LIN7A: variants seen among roughly 807,000 people sequenced by gnomAD.
LIN7A encodes the protein lin-7 cell polarity scaffold A.
A neutral mutation model predicts 29.8 loss-of-function variants in LIN7A; 25 were observed. The ratio of observed to expected loss-of-function variants is 0.84; its 90% confidence interval spans 0.61 to 1.17. LIN7A has a LOEUF of 1.17. Among genes scored for constraint, LIN7A ranks in the 50% most tolerant of loss-of-function variants. LIN7A has a pLI of 0.00. For missense variants in LIN7A, 239 were observed against 287.0 expected (o/e 0.83, Z 1.21); for synonymous variants, 118 against 107.5 (o/e 1.10, Z -0.60).
At chr12:80,900,717 A>T (rs1411855314) in intron 1 of LIN7A, among the ~76,000 whole-genome samples, 1 of 152,166 alleles carries the variant, frequency 6.6e-6, no homozygotes, top group Non-Finnish European at 1.5e-5. Flanking sequence ...GTCTGGCAAG[A>T]TTGTTTGTTG....
intron 1 of LIN7A, among the ~76,000 whole-genome samples, chr12:80,899,219 C>A (rs901745863): frequency 2.6e-5 from 4 of 152,222 alleles, no homozygotes; most frequent in Admixed American, 2.0e-4. Context: ...AAAGCCTTCT[C>A]TACATCTATT....
At chr12:80,889,924 C>T (rs1031701110) in intron 1 of LIN7A, among the ~76,000 whole-genome samples, 3 of 152,082 alleles carry the variant, frequency 2.0e-5, no homozygotes, top group African/African-American at 7.2e-5. Flanking sequence ...CATTTCACTG[C>T]CATTGCATTA....
At chr12:80,825,662 C>T (rs141734808) in intron 4 of LIN7A, among the ~76,000 whole-genome samples, 53 of 152,290 alleles carry the variant, frequency 3.5e-4, no homozygotes, top group African/African-American at 1.2e-3. Flanking sequence ...AGGAATACAT[C>T]ATCCTATCTC....
chr12:80,822,045 A>T (rs1871833552), intron 4 of LIN7A, among the ~76,000 whole-genome samples: 1 of 152,186 alleles, frequency 6.6e-6, no homozygotes, highest in Non-Finnish European at 1.5e-5. Context: ...GTCCGTTTTC[A>T]CACTGCTAAT....
chr12:80,911,268 A>ATTTTT (rs768907424), intron 1 of LIN7A, among the ~76,000 whole-genome samples: 2 of 105,890 alleles, frequency 1.9e-5, no homozygotes, highest in Admixed American at 1.0e-4. Context: ...AAGTTTGTCT[A>ATTTTT]TTTTTTTTTT....
chr12:80,834,026 A>G (rs1426252315), intron 4 of LIN7A, among the ~76,000 whole-genome samples: 2 of 152,174 alleles, frequency 1.3e-5, no homozygotes, highest in Non-Finnish European at 2.9e-5. Context: ...CTTCCTGGAT[A>G]GCCTTTTGCA....
chr12:80,856,220 A>G (rs1490591718), intron 2 of LIN7A, among the ~76,000 whole-genome samples: 2 of 152,234 alleles, frequency 1.3e-5, no homozygotes, highest in African/African-American at 4.8e-5. Flanking sequence ...TAGAATTTCC[A>G]GAGTACTATC....
At chr12:80,909,735 C>A (rs563746526) in intron 1 of LIN7A, among the ~76,000 whole-genome samples, 156 of 152,128 alleles carry the variant, frequency 1.0e-3, no homozygotes, top group African/African-American at 3.4e-3. Flanking sequence ...TTTCAACATA[C>A]GAATTTTGAG....
chr12:80,914,648 A>G lies in LIN7A; in HGVS notation c.82+22993T>C, dbSNP rs143681177. ...AGATGTTAAGCTTAGCATCCATTGT[A>G]CTAAAACTGCCCACAGTCATATCAA... On this transcript the variant is annotated intron_variant, in intron 1 of 5. Transcript: ENST00000552864. 2.3e-3 allele frequency among the ~76,000 whole-genome samples: 349 copies of G among 152,302 alleles called. 4 individuals are homozygous for G. The highest frequency in any genetic ancestry group is 8.1e-3 in the African/African-American group (336 of 41,574).
At chr12:80,909,376 G>A (rs1408938615) in intron 1 of LIN7A, among the ~76,000 whole-genome samples, 1 of 152,114 alleles carries the variant, frequency 6.6e-6, no homozygotes, top group African/African-American at 2.4e-5. Context: ...TATCTTAATA[G>A]TAAGTTTTGA....
At chr12:80,867,269 C>A (rs1418439440) in intron 2 of LIN7A, among the ~76,000 whole-genome samples, 1 of 152,116 alleles carries the variant, frequency 6.6e-6, no homozygotes, top group African/African-American at 2.4e-5. Context: ...TAATAGCCAT[C>A]ATATCTTTGT....
intron 1 of LIN7A, among the ~76,000 whole-genome samples, chr12:80,900,069 T>A (rs1378875650): frequency 2.0e-5 from 3 of 152,182 alleles, no homozygotes; most frequent in Non-Finnish European, 4.4e-5. Flanking sequence ...CTGTTCATAG[T>A]ACTCTCTGAC....
At chr12:80,851,233 TATACA>T (rs1041441025) in intron 2 of LIN7A, among the ~76,000 whole-genome samples, 3 of 151,286 alleles carry the variant, frequency 2.0e-5, no homozygotes, top group Non-Finnish European at 4.4e-5. Flanking sequence ...GGGCTGCAAA[TATACA>T]ATACAACAAT....
intron 1 of LIN7A, among the ~76,000 whole-genome samples, chr12:80,919,730 A>G (rs947244811): frequency 6.6e-6 from 1 of 151,952 alleles, no homozygotes; most frequent in Non-Finnish European, 1.5e-5. Flanking sequence ...GGGGCAGGGA[A>G]CTCTCCCACA....
intron 4 of LIN7A, among the ~76,000 whole-genome samples, chr12:80,838,987 G>C (rs1872695893): frequency 6.6e-6 from 1 of 152,204 alleles, no homozygotes; most frequent in Admixed American, 6.5e-5. Flanking sequence ...TCACACATCT[G>C]CAGTGGTGAA....
intron 5 of LIN7A, among the ~76,000 whole-genome samples, chr12:80,805,801 G>T (rs1870948487): frequency 6.6e-6 from 1 of 151,888 alleles, no homozygotes; most frequent in Non-Finnish European, 1.5e-5. Context: ...AATCATGGTG[G>T]CTGGTCTTTC....
At chr12:80,800,269 C>T (rs1469408771) in intron 5 of LIN7A, among the ~76,000 whole-genome samples, 1 of 152,014 alleles carries the variant, frequency 6.6e-6, no homozygotes, top group Non-Finnish European at 1.5e-5. Flanking sequence ...GCTGGCGGAT[C>T]ATCTGAGGTC....
intron 4 of LIN7A, among the ~76,000 whole-genome samples, chr12:80,821,325 GATA>G (rs748931307): frequency 6.6e-6 from 1 of 152,118 alleles, no homozygotes; most frequent in Non-Finnish European, 1.5e-5. Flanking sequence ...GGCAAACTAA[GATA>G]ATAAGTCACC....
chr12:80,831,493 G>A (rs555350154), intron 4 of LIN7A, among the ~76,000 whole-genome samples: 1 of 152,270 alleles, frequency 6.6e-6, no homozygotes, highest in African/African-American at 2.4e-5. Flanking sequence ...CATACTAAAA[G>A]TTGCACATAA....
Sources: allele counts gnomAD v4.1 joint callset (sites outside exome capture counted in the v4.1 genomes callset), GRCh38; gene constraint gnomAD v4.1.1; transcripts MANE v1.5; gene names NCBI Gene and HGNC (gene_info 2026-07-23, HGNC 2026-07-21).